AK7: variants seen among roughly 807,000 people sequenced by gnomAD.
AK7 encodes ATP-AMP transphosphorylase 7.
A neutral mutation model predicts 96.6 loss-of-function variants in AK7; 78 were observed. The ratio of observed to expected loss-of-function variants is 0.81; its 90% CI spans 0.67 to 0.97. The LOEUF is 0.97. Ranked by LOEUF, AK7 falls within the 50% of genes least tolerant of loss-of-function variation. AK7 has a pLI of 0.00. For synonymous variants in AK7, 302 were observed against 317.2 expected, an observed-to-expected ratio of 0.95 and a Z score of 0.51; for missense variants, 855 against 887.9, an observed-to-expected ratio of 0.96 and a Z score of 0.47.
intron 5 of AK7, 120 bp from the exon 6 acceptor site, chr14:96,437,715 A>T: frequency 1.5e-6 from 1 of 678,030 alleles, no homozygotes; most frequent in East Asian, 2.7e-5. Context: ...AACAATACTC[A>T]GTAACCTGCA....
rs1382496770 is a variant in AK7, at chr14:96,398,149, G to A, written c.180G>A (p.Lys60=). 2.5e-6 allele frequency: 4 copies of A among 1,614,182 alleles called. No homozygotes were observed. Among genetic ancestry groups the A allele is most frequent in the South Asian group, 2.2e-5 (2 of 91,086 alleles). Reference sequence around the variant, plus strand: ...AAGAGGAAGAGGAAGATGAAAATAAGTCAGCTATGCTGGAAGCTTCCTCAA... The same window carrying A: ...AAGAGGAAGAGGAAGATGAAAATAAATCAGCTATGCTGGAAGCTTCCTCAA... ...TEEEEEEDEN[K]SAMLEASSTK... The change falls in exon 2 of 18, where the codon AAG becomes AAA. Residue 60 remains lysine (K), a synonymous_variant. Coordinates refer to ENST00000267584, the MANE Select transcript of AK7 (RefSeq NM_152327.5).
At chr14:96,472,193 C>T (rs1894933569) in intron 13 of AK7, among the ~76,000 whole-genome samples, 1 of 152,086 alleles carries the variant, frequency 6.6e-6, no homozygotes, top group Non-Finnish European at 1.5e-5. Context: ...ATAGACCATC[C>T]GTCACCCAGG....
intron 6 of AK7, among the ~76,000 whole-genome samples, chr14:96,441,694 A>T (rs1892971308): frequency 6.6e-6 from 1 of 151,664 alleles, no homozygotes; most frequent in Non-Finnish European, 1.5e-5. Flanking sequence ...AATGAGAGAC[A>T]GGTTTGCTTT....
chr14:96,479,446 G>C (rs558187797), intron 15 of AK7, among the ~76,000 whole-genome samples: 92 of 150,976 alleles, frequency 6.1e-4, no homozygotes, highest in Admixed American at 1.3e-3. Flanking sequence ...CATTCCCCCA[G>C]GTTCCTTGGG....
rs959582501 is a variant in AK7 at position 96,488,435 on chromosome 14, C to T, written c.*92C>T. 7 of 1,185,192 alleles carry T rather than the reference C, an allele frequency of 5.9e-6. No individual in the cohort carries two copies. The highest frequency in any genetic ancestry group is 8.4e-6 in the Non-Finnish European group (7 of 837,840). The allele number at this position is 1,185,192 out of a possible 1,614,324, so 73.4% of individuals were successfully genotyped here. On this transcript the variant is annotated 3_prime_UTR_variant, in exon 18 of 18. Coordinates refer to ENST00000267584, the MANE Select transcript of AK7 (RefSeq NM_152327.5). ...TGCTTTGAAAAATGCTTTTCCAGTT[C>T]TTAGAAAATTCTTTTTTTGTAGACA...
chr14:96,473,316 G>A (rs1260247318), intron 14 of AK7, among the ~76,000 whole-genome samples: 8 of 151,402 alleles, frequency 5.3e-5, no homozygotes, highest in African/African-American at 1.7e-4. Context: ...GACTACAGGC[G>A]CCTACCACCA....
chr14:96,471,520 A>C lies in AK7; in HGVS notation c.1400A>C (p.Lys467Thr), dbSNP rs1327890512. ...TATATAATTAGATTTATGAAAGAAA[A>C]GCTAAAATCAATGCCTTGCAGGAAT... ...DQYIIRFMKE[K>T]LKSMPCRNQG... The change falls in exon 13 of 18, where the codon AAG (lysine) becomes ACG (threonine). Residue 467 changes from lysine (K) to threonine (T), a missense_variant. By Grantham distance (78) the Lys-to-Thr change is moderately conservative (BLOSUM62 -1). Transcript: ENST00000267584. 4 of 1,549,408 alleles carry C rather than the reference A, an allele frequency of 2.6e-6. No individual in the cohort carries two copies. The highest frequency in any genetic ancestry group is 3.5e-6 in the Non-Finnish European group (4 of 1,132,428).
At chr14:96,435,877 A>G (rs1035097009) in intron 5 of AK7, among the ~76,000 whole-genome samples, 3 of 152,050 alleles carry the variant, frequency 2.0e-5, no homozygotes, top group Non-Finnish European at 2.9e-5. Flanking sequence ...TGCAGCACCC[A>G]GAGATGCTCT....
At chr14:96,450,113 T>C (rs1893503804) in intron 9 of AK7, among the ~76,000 whole-genome samples, 2 of 151,846 alleles carry the variant, frequency 1.3e-5, no homozygotes, top group Non-Finnish European at 2.9e-5. Context: ...CCCCCAGAGG[T>C]CCTGGTCAGA....
intron 12 of AK7, among the ~76,000 whole-genome samples, chr14:96,468,878 T>C (rs1258616033): frequency 6.6e-6 from 1 of 152,092 alleles, no homozygotes; most frequent in Non-Finnish European, 1.5e-5. Flanking sequence ...AAAAGCTATG[T>C]AGGAGGGCTG....
chr14:96,449,276 T>C lies in AK7; in HGVS notation c.871-526T>C, dbSNP rs1464091264. The stretch of plus-strand genomic sequence containing the variant: ...TTTGCTGAGCTGCAAACACTCCACA[T>C]GATAAATATCTGTGTACAGTTCTGT... On this transcript the variant is annotated intron_variant, in intron 8 of 17. Transcript: ENST00000267584. 3.3e-5 allele frequency among the ~76,000 whole-genome samples: 5 copies of C among 152,178 alleles called. No individual in the cohort carries two copies. The East Asian group carries it at 7.7e-4, about 23-fold the overall frequency.
intron 12 of AK7, 111 bp downstream of exon 12, chr14:96,458,323 C>T: frequency 7.1e-7 from 1 of 1,401,696 alleles, no homozygotes; most frequent in Non-Finnish European, 9.5e-7. Context: ...CAGGCGGGCG[C>T]CATGGCTCAT....
chr14:96,438,767 T>C (rs1488449934), intron 6 of AK7, among the ~76,000 whole-genome samples: 1 of 152,166 alleles, frequency 6.6e-6, no homozygotes, highest in African/African-American at 2.4e-5. Flanking sequence ...GTGCTGAGGA[T>C]GTACTATTTG....
At chr14:96,397,950 G>A in intron 1 of AK7, 125 bp from the exon 2 acceptor site, 1 of 887,278 alleles carries the variant, frequency 1.1e-6, no homozygotes, top group Non-Finnish European at 1.8e-6. Flanking sequence ...AGTGTGCAAA[G>A]CATTTGCTTT....
Position 96,398,609 on chromosome 14 carries a change from C to T in AK7, c.294+346C>T, listed in dbSNP as rs1048698272. On this transcript the variant is annotated intron_variant, in intron 2 of 17. Coordinates refer to ENST00000267584, the MANE Select transcript of AK7 (RefSeq NM_152327.5). ...CTGTGAAGGAGAAATAGGCCAGGCG[C>T]GGTGGCTTACGCCTGTAATCCCAGC... The T allele has an allele frequency of 2.2e-5, 6 of 277,608 alleles. No individual in the cohort carries two copies. In the East Asian group the frequency reaches 2.7e-4, roughly 12 times the overall value. The allele number at this position is 277,608 out of a possible 1,614,324, so 17.2% of individuals were successfully genotyped here.
intron 5 of AK7, among the ~76,000 whole-genome samples, 164 bp from the exon 6 acceptor site, chr14:96,437,671 G>A (rs11624031): frequency 0.16 from 23,604 of 152,106 alleles, 2,498 homozygotes; most frequent in East Asian, 0.48. Flanking sequence ...CGGGGGTGTC[G>A]TTTCTCTCTT....
At chr14:96,448,054 AG>A (rs2140104714) in intron 8 of AK7, among the ~76,000 whole-genome samples, 1 of 151,134 alleles carries the variant, frequency 6.6e-6, no homozygotes, top group South Asian at 2.1e-4. Context: ...ACTTGAGCCC[AG>A]GAGGCAGAGG....
chr14:96,449,786 G>A lies in AK7; in HGVS notation c.871-16G>A, dbSNP rs760102375. 1.4e-5 allele frequency: 22 copies of A among 1,592,840 alleles called. No individual in the cohort carries two copies. The highest frequency in any genetic ancestry group is 2.7e-5 in the African/African-American group (2 of 74,144). Reference sequence around the variant, plus strand: ...TTCCAGGTAAACCAACTAATATTTCGATTTTCCTCTAACAGTGTATCAGTA... The same window carrying A: ...TTCCAGGTAAACCAACTAATATTTCAATTTTCCTCTAACAGTGTATCAGTA... On this transcript the variant is annotated splice_polypyrimidine_tract_variant and intron_variant, in intron 8 of 17. Coordinates refer to ENST00000267584, the MANE Select transcript of AK7 (RefSeq NM_152327.5).
chr14:96,477,881 C>A (rs1342550294), intron 14 of AK7, among the ~76,000 whole-genome samples: 1 of 152,166 alleles, frequency 6.6e-6, no homozygotes, highest in African/African-American at 2.4e-5. Context: ...GATAATTGTG[C>A]TGGATAGGAG....
Sources: allele counts gnomAD v4.1 joint callset (sites outside exome capture counted in the v4.1 genomes callset), GRCh38; gene constraint gnomAD v4.1.1; transcripts MANE v1.5; gene names NCBI Gene and HGNC (gene_info 2026-07-23, HGNC 2026-07-21).